The following MLLT10 variants were observed in gnomAD, a reference collection of about 807,000 sequenced individuals.
MLLT10 encodes the protein protein AF-10.
In MLLT10, 30 loss-of-function variants were observed where a neutral mutation model predicts 129.1. The ratio of observed to expected loss-of-function variants is 0.23; its 90% CI spans 0.17 to 0.32. The LOEUF (loss-of-function observed/expected upper bound fraction) is 0.32. Ranked by LOEUF, MLLT10 falls within the 10% of genes least tolerant of loss-of-function variation. The pLI is 1.00. For missense variants in MLLT10, 1,119 were observed against 1,268.3 expected (o/e 0.88, Z 1.79); for synonymous variants, 490 against 446.4 (o/e 1.10, Z -1.23).
chr10:21,552,671 C>T (rs538385554), intron 3 of MLLT10, among the ~76,000 whole-genome samples: 31 of 152,222 alleles, frequency 2.0e-4, no homozygotes, highest in Non-Finnish European at 3.4e-4. Context: ...GGATTACAGG[C>T]GTGAGCCACC....
At chr10:21,728,244 C>T (rs1464100024) in intron 16 of MLLT10, among the ~76,000 whole-genome samples, 1 of 152,138 alleles carries the variant, frequency 6.6e-6, no homozygotes, top group Non-Finnish European at 1.5e-5. Context: ...AAGTTGTAGA[C>T]CCAAGACTTT....
chr10:21,651,034 GTTGTGTTGTT>G (rs1267562251), intron 8 of MLLT10, among the ~76,000 whole-genome samples: 8 of 126,586 alleles, frequency 6.3e-5, no homozygotes, highest in African/African-American at 8.7e-5. Context: ...GTATTTGGTG[GTTGTGTTGTT>G]TTGTTTTGTT....
At chr10:21,552,573 A>G (rs2037260118) in intron 3 of MLLT10, among the ~76,000 whole-genome samples, 1 of 149,452 alleles carries the variant, frequency 6.7e-6, no homozygotes, top group Non-Finnish European at 1.5e-5. Context: ...TGTATTTTTA[A>G]TAGAGACGGG....
intron 3 of MLLT10, among the ~76,000 whole-genome samples, chr10:21,566,908 G>T (rs2039645632): frequency 6.6e-6 from 1 of 151,868 alleles, no homozygotes; most frequent in South Asian, 2.1e-4. Flanking sequence ...CCGCCTTCCG[G>T]GTTCAAGCGA....
intron 13 of MLLT10, among the ~76,000 whole-genome samples, chr10:21,704,355 C>CTATA (rs1204877963): frequency 1.4e-3 from 100 of 70,426 alleles, no homozygotes; most frequent in African/African-American, 4.3e-3. Context: ...CTCTCTCTCT[C>CTATA]TCTATATATA....
rs1383855393 is a variant in MLLT10, at chr10:21,534,244, T to C, written c.-277T>C. On this transcript the variant is annotated 5_prime_UTR_variant, in exon 1 of 23. Transcript: ENST00000307729. The stretch of plus-strand genomic sequence containing the variant: ...CCGCAGGACGGGCGCGCACGCCAAG[T>C]GACGCTCCGAGGAGGAAGCGCAGCC... 16 of 395,212 alleles carry C rather than the reference T, an allele frequency of 4.0e-5. No homozygotes were observed. In the East Asian group the frequency reaches 5.7e-4, roughly 14 times the overall value. 24.5% of individuals were successfully genotyped at this position (395,212 alleles called of 1,614,324 possible).
intron 6 of MLLT10, among the ~76,000 whole-genome samples, chr10:21,612,832 A>G (rs1276831783): frequency 6.6e-6 from 1 of 152,180 alleles, no homozygotes; most frequent in African/African-American, 2.4e-5. Flanking sequence ...TCTGTGTCTC[A>G]AGTGAGAAGT....
chr10:21,571,832 A>T (rs2040240979), intron 3 of MLLT10: 1 of 152,136 alleles, frequency 6.6e-6, no homozygotes, highest in Non-Finnish European at 1.5e-5. Context: ...ATATGTCCTA[A>T]ATACTGATCC....
chr10:21,569,931 C>T (rs951262840), intron 3 of MLLT10, among the ~76,000 whole-genome samples: 3 of 151,432 alleles, frequency 2.0e-5, no homozygotes, highest in Non-Finnish European at 2.9e-5. Flanking sequence ...TTTCTTGAGA[C>T]GGGGTGCCGC....
intron 16 of MLLT10, among the ~76,000 whole-genome samples, chr10:21,730,123 G>A (rs930318524): frequency 2.7e-5 from 4 of 147,056 alleles, no homozygotes; most frequent in African/African-American, 7.4e-5. Context: ...CTCCCCCACC[G>A]CCGCCTCCCC....
intron 4 of MLLT10, among the ~76,000 whole-genome samples, chr10:21,589,781 T>C (rs1465708191): frequency 1.3e-5 from 2 of 152,308 alleles, no homozygotes; most frequent in Admixed American, 6.5e-5. Context: ...TTTGGTGTTA[T>C]TTTTCTTTGA....
At chr10:21,625,776 C>T (rs1453290385) in intron 8 of MLLT10, 1 of 768,058 alleles carries the variant, frequency 1.3e-6, no homozygotes, top group African/African-American at 1.7e-5. Flanking sequence ...CACAGTTTCA[C>T]AGCTTCCTGT....
At chr10:21,686,954 G>C (rs559530934) in intron 13 of MLLT10, among the ~76,000 whole-genome samples, 1 of 152,140 alleles carries the variant, frequency 6.6e-6, no homozygotes, top group Non-Finnish European at 1.5e-5. Context: ...CTGCATTCCA[G>C]CCTAGGTGAC....
At chr10:21,635,751 A>T (rs2047393976) in intron 8 of MLLT10, among the ~76,000 whole-genome samples, 1 of 148,336 alleles carries the variant, frequency 6.7e-6, no homozygotes, top group Non-Finnish European at 1.5e-5. Flanking sequence ...TTTGAGATGT[A>T]GTTTCACTCT....
At chr10:21,686,412 C>T (rs375709712) in intron 13 of MLLT10, among the ~76,000 whole-genome samples, 3 of 151,782 alleles carry the variant, frequency 2.0e-5, no homozygotes, top group East Asian at 3.9e-4. Context: ...AATATTATTT[C>T]TTCAATTTTT....
chr10:21,730,084 A>G (rs1161840602), intron 16 of MLLT10, among the ~76,000 whole-genome samples: 3 of 151,988 alleles, frequency 2.0e-5, no homozygotes, highest in Non-Finnish European at 4.4e-5. Flanking sequence ...GCTGGGCAAC[A>G]TGGTGAAACT....
At chr10:21,631,604 A>ACAATCATGTCAGAAGG (rs1408048097) in intron 8 of MLLT10, among the ~76,000 whole-genome samples, 1 of 152,156 alleles carries the variant, frequency 6.6e-6, no homozygotes, top group Non-Finnish European at 1.5e-5. Context: ...CAGGAAACTT[A>ACAATCATGTCAGAAGG]CAATCATGTC....
At chr10:21,659,756 C>T (rs2049980003) in intron 9 of MLLT10, among the ~76,000 whole-genome samples, 1 of 152,124 alleles carries the variant, frequency 6.6e-6, no homozygotes, top group Non-Finnish European at 1.5e-5. Context: ...GGTGATCCAC[C>T]CGCCTTGGCC....
intron 11 of MLLT10, among the ~76,000 whole-genome samples, chr10:21,676,670 G>A (rs1405257025): frequency 8.0e-6 from 1 of 124,626 alleles, no homozygotes; most frequent in Non-Finnish European, 1.6e-5. Flanking sequence ...GCAGTGAGCC[G>A]AGATCGGGCC....
Sources: allele counts gnomAD v4.1 joint callset (sites outside exome capture counted in the v4.1 genomes callset), GRCh38; gene constraint gnomAD v4.1.1; transcripts MANE v1.5; gene names NCBI Gene and HGNC (gene_info 2026-07-23, HGNC 2026-07-21).